Variants in ETHE1 observed in about 807,000 individuals in gnomAD.
ETHE1 encodes persulfide dioxygenase ETHE1, mitochondrial.
Under a neutral mutation model 25.7 loss-of-function variants are expected in ETHE1, and 16 were observed. That is an observed-to-expected ratio of 0.62 (90% CI 0.42 to 0.95). The LOEUF is 0.95. ETHE1 is among the 40% of genes least tolerant of loss of function. The probability of loss-of-function intolerance (pLI) is 0.00; values close to 1 mark genes in which losing one functional copy is unlikely to be tolerated. For missense variants in ETHE1, 300 were observed against 333.6 expected (o/e 0.90, Z 0.79); for synonymous variants, 139 against 135.9 (o/e 1.02, Z -0.16).
rs190415075 is a variant in ETHE1 at position 43,517,669 on chromosome 19, G to A, written c.376-6103C>T. Among the ~76,000 whole-genome samples, 687 of 151,852 alleles carry A rather than the reference G, an allele frequency of 4.5e-3. 7 individuals are homozygous for A. The highest frequency in any genetic ancestry group is 0.015 in the African/African-American group (625 of 41,424). ...GTGATGTCTGTAATCCCAGCTACTC[G>A]GGAGGCTGAGGCAGGAGAATTGCTT... On this transcript the variant is annotated intron_variant, in intron 3 of 6. Transcript: ENST00000292147.
At chr19:43,507,323 T>C (rs1387388773) in intron 6 of ETHE1, among the ~76,000 whole-genome samples, 2 of 69,916 alleles carry the variant, frequency 2.9e-5, no homozygotes, top group Non-Finnish European at 2.9e-5. Flanking sequence ...CCCCAGCCCC[T>C]CCTCCCTCAG....
intron 3 of ETHE1, 36 bp downstream of exon 3, chr19:43,526,165 G>T: frequency 6.2e-7 from 1 of 1,613,954 alleles, no homozygotes; most frequent in Non-Finnish European, 8.5e-7. Flanking sequence ...AGAAGTCCAG[G>T]CCACCACCCT....
chr19:43,519,928 T>G (rs1972106510), intron 3 of ETHE1, among the ~76,000 whole-genome samples: 1 of 151,856 alleles, frequency 6.6e-6, no homozygotes, highest in South Asian at 2.1e-4. Context: ...AATAGAACAA[T>G]TACAGCAAGG....
chr19:43,516,923 T>A (rs1972032242), intron 3 of ETHE1, among the ~76,000 whole-genome samples: 1 of 152,090 alleles, frequency 6.6e-6, no homozygotes, highest in South Asian at 2.1e-4. Context: ...ATGTGCCCGA[T>A]GACTAACAAT....
intron 6 of ETHE1, chr19:43,507,548 GC>G: frequency 3.2e-6 from 1 of 315,496 alleles, no homozygotes; most frequent in Non-Finnish European, 5.5e-6. Flanking sequence ...AGGAGCCCAG[GC>G]CCCCAGCCCA....
intron 3 of ETHE1, 190 bp downstream of exon 3, chr19:43,526,011 C>T: frequency 1.4e-6 from 1 of 731,472 alleles, no homozygotes; most frequent in South Asian, 1.8e-5. Context: ...CTGCCCAGAG[C>T]CTCTTGCCCC....
chr19:43,509,622 T>G (rs552202282), intron 4 of ETHE1, among the ~76,000 whole-genome samples: 1 of 151,608 alleles, frequency 6.6e-6, no homozygotes, highest in African/African-American at 2.4e-5. Flanking sequence ...GGTAAAACCC[T>G]GTCTCTACTA....
chr19:43,514,254 T>C (rs1445563706), intron 3 of ETHE1, among the ~76,000 whole-genome samples: 1 of 151,960 alleles, frequency 6.6e-6, no homozygotes, highest in Non-Finnish European at 1.5e-5. Context: ...AATTGAATCA[T>C]GGGGGTGGGT....
At chr19:43,510,987 C>T (rs1258273554) in intron 4 of ETHE1, among the ~76,000 whole-genome samples, 4 of 151,980 alleles carry the variant, frequency 2.6e-5, no homozygotes, top group Non-Finnish European at 2.9e-5. Flanking sequence ...AACTCTATTG[C>T]GAACTGCACA....
At chr19:43,520,691 C>A (rs1376272715) in intron 3 of ETHE1, among the ~76,000 whole-genome samples, 1 of 150,980 alleles carries the variant, frequency 6.6e-6, no homozygotes, top group Admixed American at 6.6e-5. Flanking sequence ...CAAAGTGAGA[C>A]CCTGTCTCAA....
intron 4 of ETHE1, among the ~76,000 whole-genome samples, chr19:43,509,220 G>A (rs1191241757): frequency 6.6e-6 from 1 of 152,212 alleles, no homozygotes; most frequent in African/African-American, 2.4e-5. Flanking sequence ...GACAAAGCCA[G>A]GTGCAGTGGC....
At chr19:43,514,161 T>G (rs906359757) in intron 3 of ETHE1, among the ~76,000 whole-genome samples, 2 of 152,096 alleles carry the variant, frequency 1.3e-5, no homozygotes, top group Admixed American at 1.3e-4. Context: ...ATGATATGGT[T>G]TGGCTGTGTC....
At chr19:43,526,944 G>C in intron 1 of ETHE1, 153 bp downstream of exon 1, 1 of 1,512,774 alleles carries the variant, frequency 6.6e-7, no homozygotes, top group Non-Finnish European at 8.8e-7. Flanking sequence ...CACCTTTAAA[G>C]GACCCAAGAG....
rs572060372 is a variant in ETHE1 at position 43,507,598 on chromosome 19, C to A, written c.712+346G>T. 2.6e-5 allele frequency: 12 copies of A among 465,614 alleles called. No homozygotes were observed. The South Asian group carries it at 3.7e-4, about 14-fold the overall frequency. The allele number at this position is 465,614 out of a possible 1,614,324, so 28.8% of individuals were successfully genotyped here. A position where few individuals can be genotyped will look rare whatever the true frequency, so the allele number is the denominator to read the frequency against. The stretch of plus-strand genomic sequence containing the variant: ...CAGACCCAGGAGTCCAGGCCCCCAG[C>A]TCCTCCTCCCTCAGACCCAGGACCC... On this transcript the variant is annotated intron_variant, in intron 6 of 6. Coordinates refer to ENST00000292147, the MANE Select transcript of ETHE1 (RefSeq NM_014297.5).
intron 1 of ETHE1, 75 bp from the exon 2 acceptor site, chr19:43,526,734 C>T: frequency 3.1e-6 from 5 of 1,606,616 alleles, no homozygotes; most frequent in Non-Finnish European, 4.2e-6. Context: ...CCAGACTGAC[C>T]CTATCCTCTT....
intron 3 of ETHE1, among the ~76,000 whole-genome samples, chr19:43,516,642 G>C (rs1348732304): frequency 7.6e-5 from 1 of 13,178 alleles, no homozygotes. Flanking sequence ...TTTTTTTTTT[G>C]AGATAGAGTC....
chr19:43,515,142 C>T (rs532356562), intron 3 of ETHE1, among the ~76,000 whole-genome samples: 6 of 151,970 alleles, frequency 3.9e-5, no homozygotes, highest in African/African-American at 1.4e-4. Flanking sequence ...GGTGGCTGGG[C>T]GCTGTGGCTC....
intron 2 of ETHE1, 30 bp from the exon 3 acceptor site, chr19:43,526,379 G>A: frequency 6.2e-7 from 1 of 1,613,902 alleles, no homozygotes; most frequent in Non-Finnish European, 8.5e-7. Flanking sequence ...CAGGTCCGGA[G>A]GGTACAGAAA....
intron 3 of ETHE1, among the ~76,000 whole-genome samples, chr19:43,524,970 C>A (rs1972210311): frequency 2.0e-5 from 3 of 151,800 alleles, no homozygotes; most frequent in African/African-American, 7.3e-5. Context: ...CATAACAAAA[C>A]CCTGTCTCTA....
Sources: allele counts gnomAD v4.1 joint callset (sites outside exome capture counted in the v4.1 genomes callset), GRCh38; gene constraint gnomAD v4.1.1; transcripts MANE v1.5; gene names NCBI Gene and HGNC (gene_info 2026-07-23, HGNC 2026-07-21).